Variants in EPB41L3 observed in about 807,000 individuals in gnomAD.
EPB41L3 encodes erythrocyte membrane protein band 4.1 like 3.
A neutral mutation model predicts 127.1 loss-of-function variants in EPB41L3; 57 were observed. That is an observed-to-expected ratio of 0.45 (90% confidence interval 0.36 to 0.56). EPB41L3 has a LOEUF of 0.56. EPB41L3 is among the 20% of genes least tolerant of loss of function. EPB41L3 has a pLI of 0.00. For missense variants in EPB41L3, 1,273 were observed against 1,372.2 expected, an observed-to-expected ratio of 0.93 and a Z score of 1.14; for synonymous variants, 572 against 549.5, an observed-to-expected ratio of 1.04 and a Z score of -0.57.
chr18:5,408,149 AG>A (rs1470712913), intron 14 of EPB41L3, among the ~76,000 whole-genome samples: 1 of 152,196 alleles, frequency 6.6e-6, no homozygotes, highest in Non-Finnish European at 1.5e-5. Flanking sequence ...CCGCCCTATG[AG>A]GTTAGTGATT....
upstream of EPB41L3, chr18:5,544,263 C>G (rs1011630876): frequency 2.0e-6 from 2 of 985,616 alleles, no homozygotes; most frequent in Non-Finnish European, 2.4e-6. Flanking sequence ...GCTGCCAATG[C>G]CAATAGCTTT....
chr18:5,586,598 C>T (rs921613404), intron 3 of EPB41L3, among the ~76,000 whole-genome samples: 1 of 142,870 alleles, frequency 7.0e-6, no homozygotes, highest in African/African-American at 2.6e-5. Context: ...GATGAGATCC[C>T]ACTATGTTGC....
intron 3 of EPB41L3, among the ~76,000 whole-genome samples, chr18:5,578,488 T>G (rs2094359026): frequency 6.6e-6 from 1 of 152,212 alleles, no homozygotes; most frequent in Admixed American, 6.5e-5. Context: ...TTTTCAGTTT[T>G]TAGTAGAAAA....
intron 3 of EPB41L3, among the ~76,000 whole-genome samples, chr18:5,587,309 GCA>G (rs953312658): frequency 3.5e-4 from 54 of 152,122 alleles, no homozygotes; most frequent in Non-Finnish European, 3.7e-4. Context: ...CGTTAGTTTT[GCA>G]CAGTTGACCC....
intron 3 of EPB41L3, among the ~76,000 whole-genome samples, chr18:5,555,439 A>G (rs989991920): frequency 4.6e-5 from 7 of 152,104 alleles, no homozygotes; most frequent in African/African-American, 1.4e-4. Flanking sequence ...TCACATTTGT[A>G]TTTTTCAGAA....
intron 13 of EPB41L3, among the ~76,000 whole-genome samples, chr18:5,411,709 T>C (rs1473350737): frequency 1.4e-5 from 2 of 146,232 alleles, no homozygotes; most frequent in Non-Finnish European, 3.0e-5. Flanking sequence ...TGATGGTGAA[T>C]CTGGTTCTTA....
chr18:5,612,158 C>T (rs2094734199), intron 3 of EPB41L3, among the ~76,000 whole-genome samples: 1 of 150,990 alleles, frequency 6.6e-6, no homozygotes, highest in African/African-American at 2.4e-5. Context: ...TAGACCCAAT[C>T]TTGAAAGGAA....
intron 9 of EPB41L3, among the ~76,000 whole-genome samples, chr18:5,424,931 G>A (rs552850625): frequency 1.6e-4 from 24 of 152,162 alleles, no homozygotes; most frequent in Non-Finnish European, 2.2e-4. Context: ...TATATCATAC[G>A]TAAGATCAGA....
At chr18:5,601,753 T>C (rs2143808261) in intron 3 of EPB41L3, among the ~76,000 whole-genome samples, 1 of 152,336 alleles carries the variant, frequency 6.6e-6, no homozygotes. Context: ...TACACTAAAA[T>C]GATTATGAAA....
chr18:5,438,497 C>T (rs1237226926), intron 5 of EPB41L3, among the ~76,000 whole-genome samples: 3 of 152,186 alleles, frequency 2.0e-5, no homozygotes, highest in Non-Finnish European at 2.9e-5. Context: ...ATCAACACCA[C>T]AATCATAATT....
chr18:5,459,005 GTA>G (rs1470938418), intron 3 of EPB41L3, among the ~76,000 whole-genome samples: 1 of 152,112 alleles, frequency 6.6e-6, no homozygotes, highest in Non-Finnish European at 1.5e-5. Flanking sequence ...AATTTTTGAG[GTA>G]TATTTTAACC....
At chr18:5,574,380 G>GTT (rs5822863) in intron 3 of EPB41L3, among the ~76,000 whole-genome samples, 334 of 142,456 alleles carry the variant, frequency 2.3e-3, no homozygotes, top group African/African-American at 4.1e-3. Context: ...GCTAGAATCA[G>GTT]TTTTTTTTTT....
At position 5,543,714 on chromosome 18, in the gene EPB41L3, TCCCGGCGAGCGGGAGGGCGGTTGGGGAC is replaced by T. The variant is rs1327305145; in HGVS notation, c.-12+171_-12+198del. On this transcript the variant is annotated intron_variant, in intron 1 of 22. Transcript: ENST00000341928. The surrounding 1 kb of genome is among the most constrained non-coding windows in gnomAD (Gnocchi z 5.2). The stretch of plus-strand genomic sequence containing the variant: ...GCGCGCAGGCTCGGCCCGGTGGGGG[TCCCGGCGAGCGGGAGGGCGGTTGGGGAC>T]CCCGGCCGCGCCGGGCGCGGGGCTC... Among the ~76,000 whole-genome samples the T allele has an allele frequency of 2.9e-5, 4 of 136,656 alleles. No individual in the cohort carries two copies. The highest frequency in any genetic ancestry group is 6.3e-5 in the Non-Finnish European group (4 of 63,218). 89.7% of individuals were successfully genotyped at this position (136,656 alleles called of 152,430 possible).
chr18:5,581,024 G>T (rs1034036486), intron 3 of EPB41L3, among the ~76,000 whole-genome samples: 1 of 152,132 alleles, frequency 6.6e-6, no homozygotes, highest in Non-Finnish European at 1.5e-5. Context: ...CTCTCTGAGG[G>T]TCTGTGATTG....
At chr18:5,563,762 G>A (rs149762852) in intron 3 of EPB41L3, among the ~76,000 whole-genome samples, 1 of 152,274 alleles carries the variant, frequency 6.6e-6, no homozygotes, top group African/African-American at 2.4e-5. Context: ...TATGTTGTTG[G>A]AAAGACTGAA....
chr18:5,409,397 T>G (rs1156549266), intron 14 of EPB41L3, among the ~76,000 whole-genome samples: 20 of 152,222 alleles, frequency 1.3e-4, no homozygotes, highest in Non-Finnish European at 1.5e-5. Context: ...TACATGTAAC[T>G]AACTCTTATA....
chr18:5,540,928 C>CA (rs1243515641), intron 1 of EPB41L3, among the ~76,000 whole-genome samples: 5 of 151,762 alleles, frequency 3.3e-5, no homozygotes, highest in East Asian at 3.9e-4. Context: ...ACCAAAAATA[C>CA]AAAAAAATTA....
chr18:5,517,459 T>G (rs1352938689), intron 1 of EPB41L3, among the ~76,000 whole-genome samples: 1 of 152,080 alleles, frequency 6.6e-6, no homozygotes, highest in African/African-American at 2.4e-5. Context: ...CTTTTTGAGA[T>G]GGAGTCTCAC....
chr18:5,398,143 T>G lies in EPB41L3; in HGVS notation c.2350A>C (p.Thr784Pro). The G allele has an allele frequency of 1.2e-6, 2 of 1,614,064 alleles. No individual in the cohort carries two copies. Among genetic ancestry groups the G allele is most frequent in the South Asian group, 2.2e-5 (2 of 91,068 alleles). Residue 784 changes from threonine (T) to proline (P), a missense_variant and splice_region_variant, in exon 17 of 23, where the codon ACT becomes CCT. Thr to Pro is a conservative substitution (Grantham distance 38, BLOSUM62 -1). Coordinates refer to ENST00000341928, the MANE Select transcript of EPB41L3 (RefSeq NM_012307.5). The part of the protein sequence containing the change: ...PMIEPLVPEE[T>P]KQSSGEKLMD... ...AGCTTTTCCCCAGAAGACTGCTTAGTCTGAGTGAACAAAGAGAGGCAGAGT... is the reference window on the plus strand; with the variant it reads ...AGCTTTTCCCCAGAAGACTGCTTAGGCTGAGTGAACAAAGAGAGGCAGAGT...
Sources: allele counts gnomAD v4.1 joint callset (sites outside exome capture counted in the v4.1 genomes callset), GRCh38; gene constraint gnomAD v4.1.1; non-coding constraint Gnocchi (gnomAD v3.1); transcripts MANE v1.5; gene names NCBI Gene and HGNC (gene_info 2026-07-23, HGNC 2026-07-21).